The following KCNIP4 variants were observed in gnomAD, a reference collection of about 807,000 sequenced individuals.
KCNIP4 encodes the protein potassium voltage-gated channel interacting protein 4, also known as Kv channel-interacting protein 4.
In KCNIP4, 12 loss-of-function variants were observed where a neutral mutation model predicts 34.0. The ratio of observed to expected loss-of-function variants is 0.35; its 90% CI spans 0.23 to 0.57. The LOEUF (loss-of-function observed/expected upper bound fraction) is 0.57. KCNIP4 is among the 20% of genes least tolerant of loss of function. The pLI, the probability that KCNIP4 is intolerant of heterozygous loss-of-function variation, is 0.83. For synonymous variants in KCNIP4, 124 were observed against 102.2 expected, an observed-to-expected ratio of 1.21 and a Z score of -1.29; for missense variants, 238 against 311.7, an observed-to-expected ratio of 0.76 and a Z score of 1.78.
intron 2 of KCNIP4, among the ~76,000 whole-genome samples, chr4:20,881,404 G>A (rs1014276842): frequency 2.6e-5 from 4 of 151,938 alleles, no homozygotes; most frequent in African/African-American, 9.7e-5. Flanking sequence ...TGGAGCTGTG[G>A]GTTATAGCCC....
chr4:21,273,395 C>T (rs1762266545), intron 1 of KCNIP4, among the ~76,000 whole-genome samples: 2 of 152,226 alleles, frequency 1.3e-5, no homozygotes, highest in African/African-American at 2.4e-5. Flanking sequence ...GAAAGTCTGA[C>T]TTCCCTCCTG....
intron 1 of KCNIP4, among the ~76,000 whole-genome samples, chr4:21,306,322 T>C (rs2109258922): frequency 6.6e-6 from 1 of 152,344 alleles, no homozygotes; most frequent in South Asian, 2.1e-4. Flanking sequence ...CAAGTGCTTA[T>C]CAGCATGGGG....
At chr4:21,875,689 G>A (rs954900679) in intron 1 of KCNIP4, among the ~76,000 whole-genome samples, 11 of 152,214 alleles carry the variant, frequency 7.2e-5, no homozygotes, top group Admixed American at 6.5e-5. Context: ...AAACAAATAC[G>A]ATTTTTGATT....
At chr4:21,473,731 TA>T (rs1730664515) in intron 1 of KCNIP4, among the ~76,000 whole-genome samples, 2 of 151,216 alleles carry the variant, frequency 1.3e-5, no homozygotes, top group African/African-American at 4.9e-5. Context: ...TTTTTTTTTT[TA>T]AGACAGAGTC....
At chr4:20,771,348 A>T (rs1755859677) in intron 3 of KCNIP4, among the ~76,000 whole-genome samples, 1 of 151,946 alleles carries the variant, frequency 6.6e-6, no homozygotes, top group Admixed American at 6.6e-5. Context: ...TGATTTCTGG[A>T]CTCCTTATGT....
chr4:21,400,770 A>G (rs923111074), intron 1 of KCNIP4, among the ~76,000 whole-genome samples: 49 of 152,262 alleles, frequency 3.2e-4, no homozygotes, highest in Non-Finnish European at 5.6e-4. Flanking sequence ...AGAATTTTAA[A>G]GCTGGAAGAG....
intron 1 of KCNIP4, among the ~76,000 whole-genome samples, chr4:20,900,176 T>A (rs1458951113): frequency 6.6e-6 from 1 of 152,148 alleles, no homozygotes; most frequent in Admixed American, 6.5e-5. Flanking sequence ...CAGATCTCAA[T>A]GAAATGGAAT....
At chr4:20,869,427 A>G (rs1723206780) in intron 2 of KCNIP4, among the ~76,000 whole-genome samples, 1 of 151,930 alleles carries the variant, frequency 6.6e-6, no homozygotes, top group African/African-American at 2.4e-5. Flanking sequence ...TGTCTGGCAC[A>G]TAGTAAACAT....
intron 1 of KCNIP4, among the ~76,000 whole-genome samples, chr4:21,424,532 C>G (rs1725774991): frequency 6.6e-6 from 1 of 151,740 alleles, no homozygotes; most frequent in South Asian, 2.1e-4. Flanking sequence ...AGATTGGCAA[C>G]TGCACTCCAG....
chr4:21,527,344 A>T (rs919175507), intron 1 of KCNIP4, among the ~76,000 whole-genome samples: 5 of 152,194 alleles, frequency 3.3e-5, no homozygotes, highest in Non-Finnish European at 5.9e-5. Context: ...TAAGAAAAAG[A>T]TGAAAGAATC....
At chr4:21,825,413 A>G (rs1722618496) in intron 1 of KCNIP4, among the ~76,000 whole-genome samples, 1 of 152,134 alleles carries the variant, frequency 6.6e-6, no homozygotes, top group Non-Finnish European at 1.5e-5. Flanking sequence ...ATTCCCAACA[A>G]AGGTATTTGT....
rs535902808 is a variant in KCNIP4 at position 21,709,647 on chromosome 4, T to C, written c.61+238924A>G. ...CATCAACAAAAAAAACAGGTCTAAATATTATTAAAAAATAACGGTAGTATT... is the reference window on the plus strand; with the variant it reads ...CATCAACAAAAAAAACAGGTCTAAACATTATTAAAAAATAACGGTAGTATT... On this transcript the variant is annotated intron_variant, in intron 1 of 8. Transcript: ENST00000382152. Among the ~76,000 whole-genome samples the C allele has an allele frequency of 8.9e-4, 135 of 152,312 alleles. 1 individual carries two copies. The highest frequency in any genetic ancestry group is 3.0e-3 in the African/African-American group (125 of 41,578).
At chr4:21,400,515 CT>C (rs1723427779) in intron 1 of KCNIP4, among the ~76,000 whole-genome samples, 3 of 33,340 alleles carry the variant, frequency 9.0e-5, no homozygotes, top group African/African-American at 2.3e-4. Flanking sequence ...CTCCCTTCCT[CT>C]TCTCTTCTCT....
chr4:21,865,833 A>G (rs1385246290), intron 1 of KCNIP4, among the ~76,000 whole-genome samples: 1 of 151,918 alleles, frequency 6.6e-6, no homozygotes, highest in Admixed American at 6.6e-5. Context: ...ATGAGCCACC[A>G]TTTGTAGGTG....
chr4:21,621,056 A>G (rs1276779868), intron 1 of KCNIP4, among the ~76,000 whole-genome samples: 1 of 152,230 alleles, frequency 6.6e-6, no homozygotes, highest in Non-Finnish European at 1.5e-5. Context: ...AACTCACAGC[A>G]TTAAACCAGA....
chr4:20,991,069 A>C (rs965643564), intron 1 of KCNIP4, among the ~76,000 whole-genome samples: 1 of 152,180 alleles, frequency 6.6e-6, no homozygotes. Context: ...AGCTTAAGTA[A>C]CTTGCCCAAA....
Position 21,027,662 on chromosome 4 carries a change from ACTT to A in KCNIP4, c.62-144956_62-144954del, listed in dbSNP as rs1278414421. Reference sequence around the variant, plus strand: ...CCAAATCATCCCATTGCTGAATAAGACTTCTTCTATTGTTCTTTTGTTTTAATT... The same window carrying A: ...CCAAATCATCCCATTGCTGAATAAGACTTCTATTGTTCTTTTGTTTTAATT... On this transcript the variant is annotated intron_variant, in intron 1 of 8. Transcript: ENST00000382152. 5.3e-5 allele frequency among the ~76,000 whole-genome samples: 8 copies of A among 151,386 alleles called. No homozygotes were observed. The East Asian group carries it at 9.7e-4, about 18-fold the overall frequency.
intron 1 of KCNIP4, among the ~76,000 whole-genome samples, chr4:21,374,720 T>G (rs929461508): frequency 6.8e-6 from 1 of 147,614 alleles, no homozygotes; most frequent in Non-Finnish European, 1.5e-5. Flanking sequence ...TTATATAAAA[T>G]GAAGGATCAG....
intron 1 of KCNIP4, among the ~76,000 whole-genome samples, chr4:20,913,461 G>A (rs964431349): frequency 6.6e-6 from 1 of 152,088 alleles, no homozygotes; most frequent in Non-Finnish European, 1.5e-5. Flanking sequence ...TTAGCTAGTG[G>A]TAATGATTGC....
Sources: allele counts gnomAD v4.1 joint callset (sites outside exome capture counted in the v4.1 genomes callset), GRCh38; gene constraint gnomAD v4.1.1; transcripts MANE v1.5; gene names NCBI Gene and HGNC (gene_info 2026-07-23, HGNC 2026-07-21).